PCSK5: variants seen among roughly 807,000 people sequenced by gnomAD.
PCSK5 encodes the protein proprotein convertase subtilisin/kexin type 5.
PCSK5 carries 129 observed loss-of-function variants against 233.2 expected under a neutral mutation model. The observed-to-expected ratio is 0.55, with a 90% CI of 0.48 to 0.64. The LOEUF (loss-of-function observed/expected upper bound fraction) is 0.64. PCSK5 is among the 30% of genes least tolerant of loss of function. The pLI, the probability that PCSK5 is intolerant of heterozygous loss-of-function variation, is 0.00. For missense variants in PCSK5, 2,076 were observed against 2,430.1 expected, an observed-to-expected ratio of 0.85 and a Z score of 3.06; for synonymous variants, 825 against 879.2, an observed-to-expected ratio of 0.94 and a Z score of 1.09.
chr9:76,133,442 A>C (rs1273625548), intron 9 of PCSK5, among the ~76,000 whole-genome samples: 1 of 152,044 alleles, frequency 6.6e-6, no homozygotes, highest in Non-Finnish European at 1.5e-5. Flanking sequence ...TGTGTTCTTC[A>C]GTGCTAGTAG....
At chr9:76,026,615 C>T (rs1202308172) in intron 4 of PCSK5, among the ~76,000 whole-genome samples, 1 of 151,986 alleles carries the variant, frequency 6.6e-6, no homozygotes, top group African/African-American at 2.4e-5. Flanking sequence ...CAAGGTGTAC[C>T]TCAGAGAAAA....
intron 24 of PCSK5, among the ~76,000 whole-genome samples, chr9:76,253,804 AGAG>A (rs763896982): frequency 1.3e-5 from 2 of 152,244 alleles, no homozygotes; most frequent in Non-Finnish European, 2.9e-5. Context: ...GGGAAATGAC[AGAG>A]TAATTCAGAA....
intron 24 of PCSK5, among the ~76,000 whole-genome samples, chr9:76,269,574 A>G (rs1827444013): frequency 6.6e-6 from 1 of 152,226 alleles, no homozygotes; most frequent in South Asian, 2.1e-4. Flanking sequence ...ATACAAAAGA[A>G]AGAACAAGTG....
chr9:76,351,737 A>ATTT (rs71372070), intron 36 of PCSK5, among the ~76,000 whole-genome samples: 6 of 144,268 alleles, frequency 4.2e-5, no homozygotes, highest in African/African-American at 1.0e-4. Flanking sequence ...GAAACCATGA[A>ATTT]TTTTTTTTTT....
chr9:76,057,799 G>A (rs1564000673), intron 5 of PCSK5, among the ~76,000 whole-genome samples: 1 of 147,044 alleles, frequency 6.8e-6, no homozygotes, highest in Non-Finnish European at 1.5e-5. Flanking sequence ...TTCCTGGTAT[G>A]GTACATCTAA....
chr9:75,960,183 AATAAAG>A (rs1228314292), intron 2 of PCSK5, among the ~76,000 whole-genome samples: 1 of 151,766 alleles, frequency 6.6e-6, no homozygotes, highest in Non-Finnish European at 1.5e-5. Context: ...TCAACTGTGA[AATAAAG>A]ATAAAACAGA....
intron 35 of PCSK5, among the ~76,000 whole-genome samples, chr9:76,349,663 G>C (rs1427203351): frequency 1.3e-5 from 2 of 152,196 alleles, no homozygotes; most frequent in African/African-American, 4.8e-5. Context: ...TTACAGGATT[G>C]TTCTGATGGG....
At chr9:75,907,749 G>A (rs1184730570) in intron 1 of PCSK5, among the ~76,000 whole-genome samples, 1 of 152,186 alleles carries the variant, frequency 6.6e-6, no homozygotes, top group South Asian at 2.1e-4. Context: ...GGAGCAGTGG[G>A]AAGAACAGCA....
chr9:75,966,827 T>G (rs1213000613), intron 2 of PCSK5, among the ~76,000 whole-genome samples: 1 of 152,218 alleles, frequency 6.6e-6, no homozygotes, highest in Non-Finnish European at 1.5e-5. Context: ...TTCCTAGAAT[T>G]AGATCTAGAA....
At chr9:76,331,991 T>G (rs922643022) in intron 33 of PCSK5, among the ~76,000 whole-genome samples, 3 of 152,168 alleles carry the variant, frequency 2.0e-5, no homozygotes, top group Middle Eastern at 3.2e-3. Context: ...AATACGGCGG[T>G]GTTTTTCCTT....
intron 2 of PCSK5, among the ~76,000 whole-genome samples, chr9:75,943,393 A>C (rs989352202): frequency 2.8e-4 from 43 of 152,220 alleles, no homozygotes; most frequent in African/African-American, 9.9e-4. Context: ...CCCAGCAACA[A>C]CAAAAAACTC....
At chr9:75,934,367 C>T (rs62555893) in intron 2 of PCSK5, among the ~76,000 whole-genome samples, 10,872 of 152,156 alleles carry the variant, frequency 0.071, 530 homozygotes, top group Middle Eastern at 0.099. Flanking sequence ...CCCACACTTT[C>T]GGATCTTTCT....
At chr9:75,917,779 A>G (rs938849862) in intron 1 of PCSK5, among the ~76,000 whole-genome samples, 3 of 152,238 alleles carry the variant, frequency 2.0e-5, no homozygotes, top group East Asian at 3.8e-4. Flanking sequence ...ACATTTTTCT[A>G]CTAAGATATC....
At chr9:76,199,629 C>T (rs75948795) in intron 20 of PCSK5, among the ~76,000 whole-genome samples, 4,641 of 151,976 alleles carry the variant, frequency 0.031, 224 homozygotes, top group African/African-American at 0.1. Flanking sequence ...TGGGGTGGGG[C>T]GTGGAAGGGC....
At chr9:76,046,587 G>A (rs1409644441) in intron 5 of PCSK5, among the ~76,000 whole-genome samples, 1 of 129,944 alleles carries the variant, frequency 7.7e-6, no homozygotes, top group Non-Finnish European at 1.6e-5. Context: ...TTGAGACGGA[G>A]TGTGGCTCTG....
intron 30 of PCSK5, among the ~76,000 whole-genome samples, chr9:76,318,414 A>C (rs1204539908): frequency 6.6e-6 from 1 of 152,020 alleles, no homozygotes; most frequent in Non-Finnish European, 1.5e-5. Context: ...GCACATGTAT[A>C]CCTATGTAAC....
intron 2 of PCSK5, among the ~76,000 whole-genome samples, chr9:75,959,083 T>A (rs923894970): frequency 6.6e-6 from 1 of 152,114 alleles, no homozygotes; most frequent in African/African-American, 2.4e-5. Flanking sequence ...CAGTGATCAT[T>A]TAAGACCTGT....
intron 10 of PCSK5, among the ~76,000 whole-genome samples, chr9:76,153,668 G>C (rs920010670): frequency 1.3e-5 from 2 of 152,188 alleles, no homozygotes; most frequent in African/African-American, 2.4e-5. Flanking sequence ...CTCTATCCTT[G>C]AGTAAATTTC....
At chr9:75,921,568 GTGTGTGTGTGTGTA>G (rs1032659641) in intron 1 of PCSK5, among the ~76,000 whole-genome samples, 8 of 148,210 alleles carry the variant, frequency 5.4e-5, no homozygotes, top group Non-Finnish European at 1.2e-4. Context: ...TATTTCGTTT[GTGTGTGTGTGTGTA>G]TGTGTGTGTG....
Sources: gnomAD v4.1 joint callset for allele counts (sites outside exome capture counted in the v4.1 genomes callset) on GRCh38, gnomAD v4.1.1 for gene constraint, MANE v1.5 for transcripts, NCBI Gene and HGNC (gene_info 2026-07-23, HGNC 2026-07-21) for gene names.